Variants in ADD2 observed in about 807,000 individuals in gnomAD.
ADD2 encodes beta-adducin.
Under a neutral mutation model 83.0 loss-of-function variants are expected in ADD2, and 23 were observed. That is an observed-to-expected ratio of 0.28 (90% CI 0.20 to 0.39). ADD2 has a LOEUF of 0.39. Ranked by LOEUF, ADD2 falls within the 10% of genes least tolerant of loss-of-function variation. ADD2 has a pLI of 1.00. For synonymous variants in ADD2, 375 were observed against 375.4 expected (o/e 1.00, Z 0.01); for missense variants, 758 against 944.9 (o/e 0.80, Z 2.59).
At chr2:70,767,017 AAAGG>A (rs1362049389) in intron 1 of ADD2, among the ~76,000 whole-genome samples, 17 of 152,146 alleles carry the variant, frequency 1.1e-4, no homozygotes, top group Admixed American at 5.2e-4. Flanking sequence ...AGGGGTGAGA[AAAGG>A]AAGGAAGAGA....
chr2:70,690,996 C>T (rs1553371513), intron 7 of ADD2, 67 bp from the exon 8 acceptor site: 1 of 1,526,312 alleles, frequency 6.6e-7, no homozygotes, highest in African/African-American at 1.4e-5. Flanking sequence ...GCAGCACAGT[C>T]CAGCTCTACT....
chr2:70,664,605 T>C (rs1217193354), intron 15 of ADD2, among the ~76,000 whole-genome samples: 6 of 152,216 alleles, frequency 3.9e-5, no homozygotes, highest in Non-Finnish European at 7.3e-5. Flanking sequence ...TTAAGAAGGC[T>C]GAAGAACACA....
chr2:70,676,140 C>G lies in ADD2; in HGVS notation c.1593+656G>C. The stretch of plus-strand genomic sequence containing the variant: ...TTTTACTGCTAAGGAAAATGTCATG[C>G]CCATTGCTACCTTGCAAGGAGCAGC... On this transcript the variant is annotated intron_variant, in intron 13 of 15. Transcript: ENST00000264436. The surrounding 1 kb of genome is among the most constrained non-coding windows in gnomAD (Gnocchi z 4.8). The G allele has an allele frequency of 1.0e-6, 1 of 985,466 alleles. No individual in the cohort carries two copies. Among genetic ancestry groups the G allele is most frequent in the Non-Finnish European group, 1.2e-6 (1 of 829,958 alleles). The allele number at this position is 985,466 out of a possible 1,614,324, so 61.0% of individuals were successfully genotyped here. A position where few individuals can be genotyped will look rare whatever the true frequency, so the allele number is the denominator to read the frequency against.
intron 1 of ADD2, among the ~76,000 whole-genome samples, chr2:70,737,547 G>A (rs1219192899): frequency 1.4e-5 from 2 of 144,696 alleles, no homozygotes; most frequent in African/African-American, 2.6e-5. Flanking sequence ...GACACAGGAA[G>A]GGGAACATCA....
intron 1 of ADD2, among the ~76,000 whole-genome samples, chr2:70,741,181 T>G (rs2104499881): frequency 6.6e-6 from 1 of 151,652 alleles, no homozygotes; most frequent in Admixed American, 6.6e-5. Flanking sequence ...GGAAAGAGAG[T>G]CAGGAGCATC....
At chr2:70,674,618 T>G in intron 14 of ADD2, 60 bp downstream of exon 14, 12 of 1,555,222 alleles carry the variant, frequency 7.7e-6, no homozygotes, top group Non-Finnish European at 1.0e-5. Context: ...TTGGTAGTCC[T>G]GAGCTCTCCC....
At chr2:70,717,984 G>A (rs1672558847) in intron 1 of ADD2, among the ~76,000 whole-genome samples, 1 of 152,194 alleles carries the variant, frequency 6.6e-6, no homozygotes, top group Admixed American at 6.5e-5. Context: ...CGATGGTAAA[G>A]TCTATGTCCA....
At position 70,676,162 on chromosome 2, in the gene ADD2, C is replaced by G; in HGVS notation, c.1593+634G>C. 3.0e-6 allele frequency: 3 copies of G among 985,578 alleles called. No homozygotes were observed. In the South Asian group the frequency reaches 1.4e-4, roughly 46 times the overall value. 61.1% of individuals were successfully genotyped at this position (985,578 alleles called of 1,614,324 possible). ...ATGCCCATTGCTACCTTGCAAGGAG[C>G]AGCAGTGATTTCAAACACATGCCAG... On this transcript the variant is annotated intron_variant, in intron 13 of 15. Coordinates refer to ENST00000264436, the MANE Select transcript of ADD2 (RefSeq NM_001617.4). This position sits in a 1 kb window ranked among gnomAD's most constrained non-coding sequence, Gnocchi z 4.8.
intron 9 of ADD2, among the ~76,000 whole-genome samples, chr2:70,685,899 C>T (rs573091961): frequency 1.1e-3 from 173 of 152,336 alleles, no homozygotes; most frequent in Non-Finnish European, 2.1e-3. Context: ...ATCTGCCTGT[C>T]GGCAGAGCAG....
At chr2:70,745,890 C>T (rs941048065) in intron 1 of ADD2, among the ~76,000 whole-genome samples, 1 of 152,176 alleles carries the variant, frequency 6.6e-6, no homozygotes, top group Admixed American at 6.5e-5. Flanking sequence ...GTATGTATTA[C>T]ATAAATATCA....
intron 1 of ADD2, among the ~76,000 whole-genome samples, chr2:70,720,240 C>T (rs980082101): frequency 1.3e-5 from 2 of 152,018 alleles, no homozygotes; most frequent in Admixed American, 1.3e-4. Flanking sequence ...AAACAAGACT[C>T]GGGAGTGCTG....
Position 70,672,949 on chromosome 2 carries a change from G to A in ADD2, c.1799C>T (p.Ser600Phe). The A allele has an allele frequency of 6.2e-7, 1 of 1,613,928 alleles. No individual in the cohort carries two copies. Among genetic ancestry groups the A allele is most frequent in the African/African-American group, 1.3e-5 (1 of 75,054 alleles). Reference protein sequence around the residue: ...PGSPAKSAPASPVQSPAKEAE... With the variant: ...PGSPAKSAPAFPVQSPAKEAE... ...CTCCTTCGCTGGGCTCTGCACTGGAGAAGCAGGTGCAGACTTTGCAGGTGA... is the reference window on the plus strand; with the variant it reads ...CTCCTTCGCTGGGCTCTGCACTGGAAAAGCAGGTGCAGACTTTGCAGGTGA... The change falls in exon 15 of 16, where the codon TCT becomes TTT. Residue 600 changes from serine (S) to phenylalanine (F), a missense_variant. By Grantham distance (155) the Ser-to-Phe change is radical (BLOSUM62 -2). Around this residue, in one of 5 missense-constraint regions of ADD2, gnomAD observed 165 missense variants for 176.2 expected, o/e 0.94. Transcript: ENST00000264436.
At chr2:70,669,085 T>C (rs558913574) in intron 15 of ADD2, among the ~76,000 whole-genome samples, 2 of 152,102 alleles carry the variant, frequency 1.3e-5, no homozygotes, top group South Asian at 4.2e-4. Context: ...GGCTGGGCAC[T>C]CATGCAGCAA....
At chr2:70,701,186 A>G (rs1020233419) in intron 4 of ADD2, among the ~76,000 whole-genome samples, 15 of 152,116 alleles carry the variant, frequency 9.9e-5, no homozygotes, top group African/African-American at 3.6e-4. Context: ...CCAGAAGGGT[A>G]TTTTTAAAAG....
intron 15 of ADD2, 39 bp from the exon 16 acceptor site, chr2:70,663,774 T>C (rs782732541): frequency 1.9e-6 from 3 of 1,580,678 alleles, no homozygotes; most frequent in Non-Finnish European, 2.6e-6. Context: ...TAAGATTTCA[T>C]TCAGGTGACA....
intron 6 of ADD2, among the ~76,000 whole-genome samples, chr2:70,695,182 C>T (rs1169713842): frequency 2.0e-5 from 3 of 152,116 alleles, no homozygotes; most frequent in Admixed American, 1.3e-4. Flanking sequence ...AGCCACAGCC[C>T]ATGTATCTGA....
intron 1 of ADD2, among the ~76,000 whole-genome samples, chr2:70,744,582 G>C (rs1674085406): frequency 6.6e-6 from 1 of 152,180 alleles, no homozygotes; most frequent in South Asian, 2.1e-4. Flanking sequence ...AGTTGAAGGA[G>C]CTGAAAGAAG....
At chr2:70,702,489 C>T (rs782283903) in intron 4 of ADD2, among the ~76,000 whole-genome samples, 3 of 152,122 alleles carry the variant, frequency 2.0e-5, no homozygotes, top group Non-Finnish European at 4.4e-5. Flanking sequence ...AAAGAATAAA[C>T]TTGTACAAAC....
chr2:70,727,508 T>C (rs910048299), intron 1 of ADD2, among the ~76,000 whole-genome samples: 2 of 152,164 alleles, frequency 1.3e-5, no homozygotes, highest in African/African-American at 4.8e-5. Flanking sequence ...GACTCCTGTA[T>C]GAGTATTTCC....
Sources: gnomAD v4.1 joint callset for allele counts (sites outside exome capture counted in the v4.1 genomes callset) on GRCh38, gnomAD v4.1.1 for gene constraint, gnomAD v4.1.1 regional missense constraint, Gnocchi (gnomAD v3.1) non-coding constraint, MANE v1.5 for transcripts, NCBI Gene and HGNC (gene_info 2026-07-23, HGNC 2026-07-21) for gene names.